POC1B: variants seen among roughly 807,000 people sequenced by gnomAD.
The protein encoded by POC1B is POC1 centriolar protein homolog B.
In POC1B, 44 loss-of-function variants were observed where a neutral mutation model predicts 60.6. That is an observed-to-expected ratio of 0.73 (90% CI 0.57 to 0.93). POC1B has a LOEUF of 0.93. Ranked by LOEUF, POC1B falls within the 40% of genes least tolerant of loss-of-function variation. POC1B has a pLI of 0.00. For synonymous variants in POC1B, 180 were observed against 198.9 expected (o/e 0.90, Z 0.80); for missense variants, 555 against 572.3 (o/e 0.97, Z 0.31).
downstream of POC1B, among the ~76,000 whole-genome samples, chr12:89,416,584 A>G (rs568420673): frequency 3.3e-5 from 5 of 152,336 alleles, no homozygotes; most frequent in South Asian, 1.0e-3. Context: ...GGCAGAGGCC[A>G]GACAGGTAAT....
chr12:89,458,892 G>C (rs1760120973), intron 10 of POC1B, among the ~76,000 whole-genome samples: 1 of 152,250 alleles, frequency 6.6e-6, no homozygotes, highest in South Asian at 2.1e-4. Context: ...ATCCTAAATG[G>C]AAAGGCTAAA....
At chr12:89,407,306 C>T in the POC1B span, among the ~76,000 whole-genome samples, 1 of 151,812 alleles carries the variant, frequency 6.6e-6, no homozygotes, top group Non-Finnish European at 1.5e-5. Flanking sequence ...CATCTTGGCT[C>T]ACTGCAGCCT....
chr12:89,437,982 C>T (rs897177230), intron 10 of POC1B, among the ~76,000 whole-genome samples: 64 of 149,172 alleles, frequency 4.3e-4, no homozygotes, highest in African/African-American at 1.6e-3. Flanking sequence ...ACCTGGGAGG[C>T]GGAGGTTGCA....
At chr12:89,415,787 C>T (rs948406497), downstream of POC1B, among the ~76,000 whole-genome samples, 9 of 152,296 alleles carry the variant, frequency 5.9e-5, no homozygotes, top group Admixed American at 5.9e-4. Context: ...GGAAACTAAG[C>T]TTTGTGAATA....
chr12:89,417,509 T>C (rs1272466104), downstream of POC1B, among the ~76,000 whole-genome samples: 1 of 152,192 alleles, frequency 6.6e-6, no homozygotes, highest in Non-Finnish European at 1.5e-5. Context: ...AAATAAACTT[T>C]AAAAAAATTT....
At chr12:89,418,030 T>C (rs775836435), downstream of POC1B, among the ~76,000 whole-genome samples, 4 of 152,200 alleles carry the variant, frequency 2.6e-5, no homozygotes, top group Non-Finnish European at 4.4e-5. Context: ...CGGAGTTGCT[T>C]ACCAGGGGAA....
chr12:89,448,980 G>GT (rs1197173000), intron 10 of POC1B, among the ~76,000 whole-genome samples: 7 of 152,064 alleles, frequency 4.6e-5, no homozygotes, highest in East Asian at 1.9e-4. Flanking sequence ...AGTACTTTCC[G>GT]TTTTTTTCCC....
intron 10 of POC1B, chr12:89,429,007 C>G (rs1880903064): frequency 6.6e-6 from 1 of 152,136 alleles, no homozygotes; most frequent in African/African-American, 2.4e-5. Flanking sequence ...CAGCTTCAGA[C>G]CTTCTTGGAA....
At chr12:89,426,381 G>A (rs1226454073) in intron 10 of POC1B, 2 of 152,050 alleles carry the variant, frequency 1.3e-5, no homozygotes, top group Non-Finnish European at 2.9e-5. Flanking sequence ...CTTAAGAATG[G>A]TTAAAATGAT....
chr12:89,444,043 G>C (rs1284266755), intron 10 of POC1B, among the ~76,000 whole-genome samples: 1 of 152,090 alleles, frequency 6.6e-6, no homozygotes, highest in Non-Finnish European at 1.5e-5. Flanking sequence ...ATCCTCCCAA[G>C]ACTAAACTAG....
chr12:89,480,428 CT>C (rs112776690), intron 4 of POC1B, among the ~76,000 whole-genome samples: 2,226 of 139,604 alleles, frequency 0.016, 40 homozygotes, highest in African/African-American at 0.049. Context: ...ATTTATAATT[CT>C]TTTTTTTTTT....
At chr12:89,524,799 C>T in intron 2 of POC1B, 1 of 617,312 alleles carries the variant, frequency 1.6e-6, no homozygotes, top group Admixed American at 3.0e-5. Flanking sequence ...ACAAACTCTC[C>T]AGCCAACACC....
intron 4 of POC1B, among the ~76,000 whole-genome samples, chr12:89,481,460 T>C (rs1042789333): frequency 2.0e-5 from 3 of 152,114 alleles, no homozygotes; most frequent in African/African-American, 7.2e-5. Flanking sequence ...GATTTCTACA[T>C]AGGAGCACTT....
intron 11 of POC1B, among the ~76,000 whole-genome samples, chr12:89,422,572 G>A (rs1384519280): frequency 6.6e-6 from 1 of 152,162 alleles, no homozygotes; most frequent in African/African-American, 2.4e-5. Context: ...ACAGGTGGTG[G>A]CCTATTCTCT....
chr12:89,476,747 T>TAGAC (rs755421486), intron 4 of POC1B, among the ~76,000 whole-genome samples: 1 of 128,710 alleles, frequency 7.8e-6, no homozygotes, highest in African/African-American at 2.9e-5. Flanking sequence ...GATAGATAGA[T>TAGAC]AGATAGATAG....
intron 2 of POC1B, chr12:89,501,927 A>G (rs750730127): frequency 9.0e-7 from 1 of 1,113,896 alleles, no homozygotes; most frequent in Non-Finnish European, 1.4e-6. Flanking sequence ...GTCATGATGA[A>G]ATTTCCAGTT....
intron 10 of POC1B, among the ~76,000 whole-genome samples, chr12:89,447,887 T>C (rs1881851763): frequency 6.6e-6 from 1 of 151,994 alleles, no homozygotes; most frequent in Non-Finnish European, 1.5e-5. Context: ...AGCTCTATGA[T>C]ATAATCAGTC....
the POC1B span, among the ~76,000 whole-genome samples, chr12:89,413,053 T>C: frequency 6.6e-6 from 1 of 151,972 alleles, no homozygotes; most frequent in Non-Finnish European, 1.5e-5. Flanking sequence ...CACCCGCCAC[T>C]ATTCCCAGCT....
chr12:89,496,085 C>T (rs1806645158), intron 3 of POC1B, among the ~76,000 whole-genome samples: 1 of 152,050 alleles, frequency 6.6e-6, no homozygotes, highest in African/African-American at 2.4e-5. Context: ...ATTACATACT[C>T]ACTATAATGT....
Sources: allele counts gnomAD v4.1 joint callset (sites outside exome capture counted in the v4.1 genomes callset), GRCh38; gene constraint gnomAD v4.1.1; transcripts MANE v1.5; gene names NCBI Gene and HGNC (gene_info 2026-07-23, HGNC 2026-07-21).